LMO3: variants seen among roughly 807,000 people sequenced by gnomAD.
LMO3 encodes LIM domain only protein 3.
A neutral mutation model predicts 15.8 loss-of-function variants in LMO3; 2 were observed. The ratio of observed to expected loss-of-function variants is 0.13; its 90% confidence interval spans 0.05 to 0.40. The LOEUF (loss-of-function observed/expected upper bound fraction) is 0.40, where lower values mean the gene tolerates loss of function less well. LMO3 is among the 10% of genes least tolerant of loss of function. LMO3 has a pLI of 0.99. For synonymous variants in LMO3, 62 were observed against 63.8 expected, an observed-to-expected ratio of 0.97 and a Z score of 0.13; for missense variants, 86 against 182.2, an observed-to-expected ratio of 0.47 and a Z score of 3.04.
intron 2 of LMO3, among the ~76,000 whole-genome samples, chr12:16,594,763 T>G (rs1943597214): frequency 6.6e-6 from 1 of 151,646 alleles, no homozygotes; most frequent in East Asian, 1.9e-4. Context: ...CTACAATTTA[T>G]ATATTCATCA....
rs1016253315 is a variant in LMO3 at position 16,559,555 on chromosome 12, A to T, written c.332+858T>A. 3.3e-5 allele frequency among the ~76,000 whole-genome samples: 5 copies of T among 152,294 alleles called. No homozygotes were observed. The highest frequency in any genetic ancestry group is 7.4e-5 in the Non-Finnish European group (5 of 68,018). ...ACACTTTTTCAAATGCTCCTCTCCA[A>T]TGATAATAATTGTTTAATTATTAGC... is the stretch of plus-strand genomic sequence containing the variant. On this transcript the variant is annotated intron_variant, in intron 3 of 3. Transcript: ENST00000537304. This position sits in a 1 kb window ranked among gnomAD's most constrained non-coding sequence, Gnocchi z 4.1.
intron 2 of LMO3, among the ~76,000 whole-genome samples, chr12:16,572,230 A>C (rs1942837024): frequency 6.6e-6 from 1 of 151,944 alleles, no homozygotes; most frequent in South Asian, 2.1e-4. Context: ...TTACGTAGTA[A>C]AGCTCTACAG....
At chr12:16,573,365 A>T (rs1347794603) in intron 2 of LMO3, 1 of 152,228 alleles carries the variant, frequency 6.6e-6, no homozygotes, top group Non-Finnish European at 1.5e-5. Flanking sequence ...GAATCATTTG[A>T]CAGCTGATAT....
At chr12:16,577,768 T>C (rs1943039145) in intron 2 of LMO3, among the ~76,000 whole-genome samples, 1 of 152,174 alleles carries the variant, frequency 6.6e-6, no homozygotes, top group Admixed American at 6.5e-5. Flanking sequence ...AATGGCTCCA[T>C]CTCACCAACA....
Position 16,560,401 on chromosome 12 carries a change from AGAC to A in LMO3, c.332+9_332+11del, listed in dbSNP as rs1216838534. ...TAACCATTTCTTAGAGACCAAAAAG[AGAC>A]CTGCTTACCTCTGATTACAAAGCTG... On this transcript the variant is annotated intron_variant, in intron 3 of 3. Coordinates refer to ENST00000537304, the MANE Select transcript of LMO3 (RefSeq NM_018640.5). The surrounding 1 kb of genome is among the most constrained non-coding windows in gnomAD (Gnocchi z 5.0). 6.2e-7 allele frequency: 1 copy of A among 1,610,194 alleles called. No individual in the cohort carries two copies. Among genetic ancestry groups the A allele is most frequent in the African/African-American group, 1.3e-5 (1 of 74,712 alleles).
chr12:16,574,870 CAT>C (rs1942941518), intron 2 of LMO3, among the ~76,000 whole-genome samples: 1 of 152,128 alleles, frequency 6.6e-6, no homozygotes, highest in Admixed American at 6.5e-5. Context: ...TCTAAGATCT[CAT>C]AGTCATTAAC....
intron 2 of LMO3, among the ~76,000 whole-genome samples, chr12:16,572,339 C>CTTTTTTTTTTTTTTTTT (rs59773866): frequency 1.1e-5 from 1 of 89,528 alleles, no homozygotes; most frequent in Non-Finnish European, 2.1e-5. Flanking sequence ...GGTCCAAACT[C>CTTTTTTTTTTTTTTTTT]TTTTTTTTTT....
intron 3 of LMO3, among the ~76,000 whole-genome samples, chr12:16,553,877 A>AG (rs1942084001): frequency 6.6e-6 from 1 of 152,056 alleles, no homozygotes; most frequent in African/African-American, 2.4e-5. Flanking sequence ...GAAAAAAAAA[A>AG]AAAAGCATTA....
chr12:16,605,748 A>G lies in LMO3; in HGVS notation c.-9+318T>C. On this transcript the variant is annotated intron_variant, in intron 1 of 3. Coordinates refer to ENST00000537304, the MANE Select transcript of LMO3 (RefSeq NM_018640.5). Reference sequence around the variant, plus strand: ...CTGCAGTTCATGGTGAACTTTGACTATTATCCACTCGAGTCGTACTTGAGA... The same window carrying G: ...CTGCAGTTCATGGTGAACTTTGACTGTTATCCACTCGAGTCGTACTTGAGA... The G allele has an allele frequency of 4.6e-6, 7 of 1,533,994 alleles. No individual in the cohort carries two copies. The South Asian group carries it at 4.8e-5, about 10-fold the overall frequency.
intron 2 of LMO3, among the ~76,000 whole-genome samples, chr12:16,570,359 A>G (rs1430144650): frequency 6.6e-6 from 1 of 152,116 alleles, no homozygotes. Flanking sequence ...CTATATATAA[A>G]AGTGAACAAG....
chr12:16,556,330 G>T (rs1402584750), intron 3 of LMO3, among the ~76,000 whole-genome samples: 1 of 152,006 alleles, frequency 6.6e-6, no homozygotes, highest in East Asian at 1.9e-4. Context: ...ACCCTCCTGC[G>T]GTACCTTTTA....
intron 3 of LMO3, among the ~76,000 whole-genome samples, chr12:16,557,871 C>T (rs16912020): frequency 0.3 from 45,586 of 151,812 alleles, 6,962 homozygotes; most frequent in African/African-American, 0.34. Flanking sequence ...GTGCTGAAAT[C>T]TGAATCTCTT....
chr12:16,587,200 C>T lies in LMO3; in HGVS notation c.206+13455G>A, dbSNP rs530342734. On this transcript the variant is annotated intron_variant, in intron 2 of 3. Coordinates refer to ENST00000537304, the MANE Select transcript of LMO3 (RefSeq NM_018640.5). The surrounding 1 kb of genome is among the most constrained non-coding windows in gnomAD (Gnocchi z 4.3). ...CAAATATATTCATAAGCTACACACACGAAAATGAAATGAACAAAGTGATTC... is the reference window on the plus strand; with the variant it reads ...CAAATATATTCATAAGCTACACACATGAAAATGAAATGAACAAAGTGATTC... Among the ~76,000 whole-genome samples, 66 of 152,168 alleles carry T rather than the reference C, an allele frequency of 4.3e-4. No homozygotes were observed. Among genetic ancestry groups the T allele is most frequent in the African/African-American group, 1.5e-3 (63 of 41,528 alleles).
chr12:16,568,363 C>A lies in LMO3; in HGVS notation c.207-7825G>T, dbSNP rs190640860. 3.9e-5 allele frequency among the ~76,000 whole-genome samples: 6 copies of A among 152,264 alleles called. No homozygotes were observed. The East Asian group carries it at 1.2e-3, about 29-fold the overall frequency. ...AAACATAGAAAACAGAAAAGCAATA[C>A]CCTCCATACTCTGGATGTGGATCTT... On this transcript the variant is annotated intron_variant, in intron 2 of 3. Transcript: ENST00000537304.
chr12:16,575,265 A>G (rs1942957745), intron 2 of LMO3, among the ~76,000 whole-genome samples: 1 of 152,202 alleles, frequency 6.6e-6, no homozygotes, highest in Admixed American at 6.5e-5. Context: ...TATCTTCAAA[A>G]ATATAGGCAT....
rs1942988242 is a variant in LMO3, at chr12:16,576,093, C to T, written c.207-15555G>A. ...TACTTCTAGCGCGCATCGCTTCTCCCTTGCACTCATACTACAACCTCCCAG... is the reference window on the plus strand; with the variant it reads ...TACTTCTAGCGCGCATCGCTTCTCCTTTGCACTCATACTACAACCTCCCAG... On this transcript the variant is annotated intron_variant, in intron 2 of 3. Coordinates refer to ENST00000537304, the MANE Select transcript of LMO3 (RefSeq NM_018640.5). The surrounding 1 kb of genome is among the most constrained non-coding windows in gnomAD (Gnocchi z 4.1). 6.6e-6 allele frequency among the ~76,000 whole-genome samples: 1 copy of T among 152,174 alleles called. No individual in the cohort carries two copies. The highest frequency in any genetic ancestry group is 6.5e-5 in the Admixed American group (1 of 15,288).
At chr12:16,595,373 G>A (rs1943615919) in intron 2 of LMO3, among the ~76,000 whole-genome samples, 1 of 151,328 alleles carries the variant, frequency 6.6e-6, no homozygotes, top group Non-Finnish European at 1.5e-5. Context: ...ATTTACCAAT[G>A]AGAAGAAATT....
At position 16,585,750 on chromosome 12, in the gene LMO3, C is replaced by T. The variant is rs1250672320; in HGVS notation, c.206+14905G>A. Among the ~76,000 whole-genome samples the T allele has an allele frequency of 1.3e-5, 2 of 152,112 alleles. No individual in the cohort carries two copies. Among genetic ancestry groups the T allele is most frequent in the Non-Finnish European group, 2.9e-5 (2 of 68,006 alleles). On this transcript the variant is annotated intron_variant, in intron 2 of 3. Coordinates refer to ENST00000537304, the MANE Select transcript of LMO3 (RefSeq NM_018640.5). This position sits in a 1 kb window ranked among gnomAD's most constrained non-coding sequence, Gnocchi z 4.7. ...AAAGGAAAATATGGGTGAGAAATTA[C>T]AAAAGGCTGGAGAATCAATTAACAT...
chr12:16,575,810 A>G (rs1036494916), intron 2 of LMO3, among the ~76,000 whole-genome samples: 1 of 33,112 alleles, frequency 3.0e-5, no homozygotes, highest in Non-Finnish European at 5.7e-5. Flanking sequence ...CTTATACATA[A>G]AGCTAAATTC....
Sources: allele counts gnomAD v4.1 joint callset (sites outside exome capture counted in the v4.1 genomes callset), GRCh38; gene constraint gnomAD v4.1.1; non-coding constraint Gnocchi (gnomAD v3.1); transcripts MANE v1.5; gene names NCBI Gene and HGNC (gene_info 2026-07-23, HGNC 2026-07-21).